Variants in TBC1D16 observed in about 807,000 individuals in gnomAD.
The protein encoded by TBC1D16 is CTD-2529O21.1.
TBC1D16 carries 58 observed loss-of-function variants against 74.7 expected under a neutral mutation model. The observed-to-expected ratio is 0.78, with a 90% CI of 0.63 to 0.97. TBC1D16 has a LOEUF of 0.97. TBC1D16 is among the 50% of genes least tolerant of loss of function. The pLI, the probability that TBC1D16 is intolerant of heterozygous loss-of-function variation, is 0.00. For missense variants in TBC1D16, 1,014 were observed against 1,079.5 expected (o/e 0.94, Z 0.85); for synonymous variants, 493 against 474.7 (o/e 1.04, Z -0.50).
chr17:80,006,320 A>G (rs1031723372), intron 3 of TBC1D16, among the ~76,000 whole-genome samples: 3 of 152,046 alleles, frequency 2.0e-5, no homozygotes, highest in Non-Finnish European at 4.4e-5. Context: ...AAACATTCCC[A>G]TGCCTGGGCG....
In TBC1D16 at chr17:80,035,780, G is replaced by A. The variant is rs2036983890; in HGVS notation, c.-63+15C>T. 6.8e-6 allele frequency: 1 copy of A among 146,562 alleles called. No individual in the cohort carries two copies. The highest frequency in any genetic ancestry group is 6.8e-5 in the Admixed American group (1 of 14,782). The allele number at this position is 146,562 out of a possible 1,614,324, so 9.1% of individuals were successfully genotyped here. On this transcript the variant is annotated intron_variant, in intron 1 of 11. Coordinates refer to ENST00000310924, the MANE Select transcript of TBC1D16 (RefSeq NM_019020.4). The surrounding 1 kb of genome is among the most constrained non-coding windows in gnomAD (Gnocchi z 5.3). Reference sequence around the variant, plus strand: ...GACCCCGCCCCCGCGGCCCCGTCCGGGCCCCGATACCCACCCGGGTCCCGC... The same window carrying A: ...GACCCCGCCCCCGCGGCCCCGTCCGAGCCCCGATACCCACCCGGGTCCCGC...
At chr17:80,027,864 C>CT (rs2036634577) in intron 1 of TBC1D16, among the ~76,000 whole-genome samples, 1 of 138,788 alleles carries the variant, frequency 7.2e-6, no homozygotes, top group Non-Finnish European at 1.5e-5. Flanking sequence ...TGCACTCCAG[C>CT]CTGGGCAACA....
intron 3 of TBC1D16, among the ~76,000 whole-genome samples, chr17:79,991,057 G>A (rs2144484492): frequency 6.6e-6 from 1 of 152,330 alleles, no homozygotes; most frequent in South Asian, 2.1e-4. Context: ...GGGCAGGGGT[G>A]GTCATGTATC....
At chr17:79,942,845 C>T (rs1031910250) in intron 10 of TBC1D16, among the ~76,000 whole-genome samples, 7 of 152,212 alleles carry the variant, frequency 4.6e-5, no homozygotes, top group African/African-American at 7.2e-5. Context: ...AGCCTCTTTT[C>T]GGGCATACTT....
At position 79,994,982 on chromosome 17, in the gene TBC1D16, T is replaced by C. The variant is rs1273809681; in HGVS notation, c.779+15178A>G. ...AAAATTTTCACCTTTTTGTTTGTTT[T>C]CTTTTTGTTTTTTGACTTGTAAAAA... On this transcript the variant is annotated intron_variant, in intron 3 of 11. Transcript: ENST00000310924. This position sits in a 1 kb window ranked among gnomAD's most constrained non-coding sequence, Gnocchi z 4.6. Among the ~76,000 whole-genome samples, 1 of 152,244 alleles carries C rather than the reference T, an allele frequency of 6.6e-6. No homozygotes were observed. The highest frequency in any genetic ancestry group is 1.5e-5 in the Non-Finnish European group (1 of 68,050).
At chr17:80,012,944 A>G (rs2035946684) in intron 2 of TBC1D16, among the ~76,000 whole-genome samples, 1 of 152,220 alleles carries the variant, frequency 6.6e-6, no homozygotes. Flanking sequence ...TGTGCAGCCG[A>G]GAGTCGCTCA....
Position 80,013,486 on chromosome 17 carries a change from G to T in TBC1D16, c.62C>A (p.Thr21Asn), listed in dbSNP as rs758225845. The T allele has an allele frequency of 5.0e-6, 8 of 1,589,734 alleles. No homozygotes were observed. The East Asian group carries it at 1.8e-4, about 36-fold the overall frequency. The part of the protein sequence containing the change: ...SSKASDLLTL[T>N]PGGSGSGSPS... Reference sequence around the variant, plus strand: ...GGACCCGCTGCCGCTGCCACCGGGGGTGAGGGTCAGGAGGTCCGAGGCTTT... The same window carrying T: ...GGACCCGCTGCCGCTGCCACCGGGGTTGAGGGTCAGGAGGTCCGAGGCTTT... The change falls in exon 2 of 12, where the codon ACC becomes AAC. Residue 21 changes from threonine (T) to asparagine (N), a missense_variant. Coordinates refer to ENST00000310924, the MANE Select transcript of TBC1D16 (RefSeq NM_019020.4).
chr17:79,945,101 C>T lies in TBC1D16; in HGVS notation c.1729-14G>A, dbSNP rs369694839. The T allele has an allele frequency of 2.2e-5, 34 of 1,567,126 alleles. No homozygotes were observed. Among genetic ancestry groups the T allele is most frequent in the Admixed American group, 3.8e-5 (2 of 52,638 alleles). Reference sequence around the variant, plus strand: ...GCGCAGGTACAGCTGGGGGTGAGGCCGTCACGCGTTAGTTAGCTCCGGTCC... The same window carrying T: ...GCGCAGGTACAGCTGGGGGTGAGGCTGTCACGCGTTAGTTAGCTCCGGTCC... On this transcript the variant is annotated splice_polypyrimidine_tract_variant and intron_variant, in intron 9 of 11. Transcript: ENST00000310924.
chr17:79,968,636 G>A (rs901949490), intron 3 of TBC1D16, among the ~76,000 whole-genome samples: 5 of 151,298 alleles, frequency 3.3e-5, no homozygotes, highest in South Asian at 2.1e-4. Context: ...GGTGGATCAC[G>A]AGGTCAGGAG....
At chr17:79,943,197 C>T (rs1223894326) in intron 10 of TBC1D16, among the ~76,000 whole-genome samples, 3 of 152,214 alleles carry the variant, frequency 2.0e-5, no homozygotes, top group South Asian at 2.1e-4. Flanking sequence ...CCAGGCTGCC[C>T]GGCTGCTTCC....
chr17:79,964,328 A>G (rs2033750113), intron 3 of TBC1D16, among the ~76,000 whole-genome samples: 1 of 152,184 alleles, frequency 6.6e-6, no homozygotes. Context: ...ATCCTGGACA[A>G]TTATTCCTTA....
At chr17:79,947,090 C>G (rs979303841) in intron 9 of TBC1D16, among the ~76,000 whole-genome samples, 1 of 152,236 alleles carries the variant, frequency 6.6e-6, no homozygotes, top group African/African-American at 2.4e-5. Context: ...TCAGCCCCAC[C>G]ACCGACATTC....
At chr17:79,991,756 G>T (rs2035070656) in intron 3 of TBC1D16, among the ~76,000 whole-genome samples, 1 of 151,802 alleles carries the variant, frequency 6.6e-6, no homozygotes, top group Non-Finnish European at 1.5e-5. Flanking sequence ...CGCAGGCAGC[G>T]GCCAGCCCTG....
chr17:80,024,904 TCA>T lies in TBC1D16; in HGVS notation c.-63+10889_-63+10890del, dbSNP rs145513640. ...ATACCATAGGCACACTGCATAAACA[TCA>T]CACACACACCACACACCATAGACAC... On this transcript the variant is annotated intron_variant, in intron 1 of 11. Coordinates refer to ENST00000310924, the MANE Select transcript of TBC1D16 (RefSeq NM_019020.4). Among the ~76,000 whole-genome samples the T allele has an allele frequency of 8.1e-4, 113 of 139,224 alleles. 8 individuals carry two copies. Among genetic ancestry groups the T allele is most frequent in the African/African-American group, 3.4e-3 (111 of 32,526 alleles). 91.3% of individuals were successfully genotyped at this position (139,224 alleles called of 152,430 possible).
rs1458237308 is a variant in TBC1D16 at position 79,950,596 on chromosome 17, T to TGGGCAAAG, written c.1090-26_1090-19dup. ...GCGACCTGCTGGACGGGAGGAAAACTGGGCAAAGGTCAGGATCTCAGCCGC... is the reference window on the plus strand; with the variant it reads ...GCGACCTGCTGGACGGGAGGAAAACTGGGCAAAGGGGCAAAGGTCAGGATCTCAGCCGC... On this transcript the variant is annotated intron_variant, in intron 5 of 11. Coordinates refer to ENST00000310924, the MANE Select transcript of TBC1D16 (RefSeq NM_019020.4). The surrounding 1 kb of genome is among the most constrained non-coding windows in gnomAD (Gnocchi z 4.6). 4 of 1,608,416 alleles carry TGGGCAAAG rather than the reference T, an allele frequency of 2.5e-6. No homozygotes were observed. Among genetic ancestry groups the TGGGCAAAG allele is most frequent in the African/African-American group, 2.7e-5 (2 of 74,830 alleles).
chr17:79,948,724 A>T, intron 8 of TBC1D16, 148 bp downstream of exon 8: 1 of 1,084,112 alleles, frequency 9.2e-7, no homozygotes, highest in East Asian at 2.5e-5. Flanking sequence ...GCTCATGAGT[A>T]GCGTATCCTT....
chr17:79,936,895 CGTGTGTGCATGTGCGT>C lies in TBC1D16; in HGVS notation c.*3948_*3963del, dbSNP rs1256511889. 4 of 134,954 alleles carry C rather than the reference CGTGTGTGCATGTGCGT, an allele frequency of 3.0e-5. No homozygotes were observed. The highest frequency in any genetic ancestry group is 8.6e-5 in the African/African-American group (3 of 34,880). 8.4% of individuals were successfully genotyped at this position (134,954 alleles called of 1,614,324 possible). ...ATGTGTGTGTGTGTGTGCATGCGTG[CGTGTGTGCATGTGCGT>C]GTGTGTGTGTGTGTGTGTGTGTGTG... On this transcript the variant is annotated 3_prime_UTR_variant, in exon 12 of 12. Transcript: ENST00000310924.
chr17:80,026,351 G>C (rs1266254755), intron 1 of TBC1D16, among the ~76,000 whole-genome samples: 1 of 150,014 alleles, frequency 6.7e-6, no homozygotes, highest in Non-Finnish European at 1.5e-5. Flanking sequence ...CTTGAACCCG[G>C]GAGGCAGAGG....
intron 3 of TBC1D16, among the ~76,000 whole-genome samples, chr17:79,996,635 C>A (rs2144557317): frequency 6.6e-6 from 1 of 152,292 alleles, no homozygotes; most frequent in Middle Eastern, 3.4e-3. Context: ...AATCCCAGCA[C>A]TTTGGGAGGC....
Sources: allele counts gnomAD v4.1 joint callset (sites outside exome capture counted in the v4.1 genomes callset), GRCh38; gene constraint gnomAD v4.1.1; non-coding constraint Gnocchi (gnomAD v3.1); transcripts MANE v1.5; gene names NCBI Gene and HGNC (gene_info 2026-07-23, HGNC 2026-07-21).